The following ABCD2 variants were observed in gnomAD, a reference collection of about 807,000 sequenced individuals.
The protein encoded by ABCD2 is ATP-binding cassette sub-family D member 2.
A neutral mutation model predicts 70.9 loss-of-function variants in ABCD2; 36 were observed. That is an observed-to-expected ratio of 0.51 (90% confidence interval 0.39 to 0.67). ABCD2 has a LOEUF of 0.67. Ranked by LOEUF, ABCD2 falls within the 30% of genes least tolerant of loss-of-function variation. ABCD2 has a pLI of 0.00. For synonymous variants in ABCD2, 304 were observed against 306.9 expected (o/e 0.99, Z 0.10); for missense variants, 729 against 890.2 (o/e 0.82, Z 2.30).
chr12:39,618,914 A>C lies in ABCD2; in HGVS notation c.702T>G (p.Asp234Glu). 1 of 1,614,220 alleles carries C rather than the reference A, an allele frequency of 6.2e-7. No individual in the cohort carries two copies. Among genetic ancestry groups the C allele is most frequent in the Non-Finnish European group, 8.5e-7 (1 of 1,180,040 alleles). Residue 234 changes from aspartate (D) to glutamate (E), a missense_variant, in exon 1 of 10, where the codon GAT becomes GAG. Physicochemically the swap from Asp to Glu is conservative, Grantham distance 45. Around this residue, in one of 3 missense-constraint regions of ABCD2, gnomAD observed 195 missense variants for 300.2 expected, o/e 0.65. Transcript: ENST00000308666. Reference sequence around the variant, plus strand: ...TGAGTGTATAGGAGGTCAGCATTACATCTAAAATAGGTTTGGTCAGATTGG... The same window carrying C: ...TGAGTGTATAGGAGGTCAGCATTACCTCTAAAATAGGTTTGGTCAGATTGG... ...LYSNLTKPILDVMLTSYTLIQ... is the reference protein window; with the variant it reads ...LYSNLTKPILEVMLTSYTLIQ...
At position 39,619,502 on chromosome 12, in the gene ABCD2, G is replaced by C. The variant is rs1942165442; in HGVS notation, c.114C>G (p.Pro38=). ...AAAYALKTLY[P]IIGKRLKQSG... ...ATTGCTTTAAACGCTTGCCAATGATGGGATAGAGGGTTTTCAGAGCATATG... is the reference window on the plus strand; with the variant it reads ...ATTGCTTTAAACGCTTGCCAATGATCGGATAGAGGGTTTTCAGAGCATATG... Residue 38 remains proline, a synonymous_variant, in exon 1 of 10, where the codon CCC becomes CCG. Transcript: ENST00000308666. The C allele has an allele frequency of 1.2e-6, 2 of 1,612,796 alleles. No homozygotes were observed. The highest frequency in any genetic ancestry group is 1.7e-6 in the Non-Finnish European group (2 of 1,179,998).
chr12:39,562,178 AT>A (rs1941270044), intron 9 of ABCD2, among the ~76,000 whole-genome samples: 1 of 152,176 alleles, frequency 6.6e-6, no homozygotes, highest in South Asian at 2.1e-4. Flanking sequence ...AATCTGTAGA[AT>A]ACAGCAAAAG....
At chr12:39,545,387 G>T (rs529414364), downstream of ABCD2, among the ~76,000 whole-genome samples, 84 of 152,230 alleles carry the variant, frequency 5.5e-4, no homozygotes, top group African/African-American at 2.0e-3. Context: ...CCGCCTCCCG[G>T]GTTCAAGCGA....
chr12:39,533,982 T>C, the ABCD2 span, among the ~76,000 whole-genome samples: 2 of 152,348 alleles, frequency 1.3e-5, no homozygotes, highest in Non-Finnish European at 2.9e-5. Flanking sequence ...GTGAATAGTG[T>C]GCTTTGCAGA....
chr12:39,545,188 A>T (rs183538977), downstream of ABCD2, among the ~76,000 whole-genome samples: 325 of 152,372 alleles, frequency 2.1e-3, 2 homozygotes, highest in African/African-American at 7.3e-3. Flanking sequence ...GATTATTTGC[A>T]TGAAGTGCAG....
intron 3 of ABCD2, among the ~76,000 whole-genome samples, chr12:39,605,483 T>C (rs1941957394): frequency 2.0e-5 from 3 of 152,122 alleles, no homozygotes; most frequent in Admixed American, 2.0e-4. Flanking sequence ...CAATCCAGCT[T>C]CTTTTGAAGC....
the ABCD2 span, among the ~76,000 whole-genome samples, chr12:39,536,548 C>T: frequency 5.6e-4 from 85 of 152,276 alleles, no homozygotes; most frequent in Admixed American, 1.9e-3. Context: ...CTGATTTTAA[C>T]GGGAACCAAT....
the ABCD2 span, among the ~76,000 whole-genome samples, chr12:39,534,726 GGAAAA>G: frequency 7.2e-4 from 80 of 111,168 alleles, no homozygotes; most frequent in Middle Eastern, 5.7e-3. Flanking sequence ...AAGGAAGGAA[GGAAAA>G]GAAGGAAGGA....
rs1306078673 is a variant in ABCD2 at position 39,550,646 on chromosome 12, A to T, written c.*3266T>A. 2 of 151,916 alleles carry T rather than the reference A, an allele frequency of 1.3e-5. No individual in the cohort carries two copies. The highest frequency in any genetic ancestry group is 4.1e-4 in the South Asian group (2 of 4,830). The allele number at this position is 151,916 out of a possible 1,614,324, so 9.4% of individuals were successfully genotyped here. On this transcript the variant is annotated 3_prime_UTR_variant, in exon 10 of 10. Transcript: ENST00000308666. ...GGCAAAACATATTCAACCCCAAAAC[A>T]TATTCAACATATCTAAATGTATATA...
At chr12:39,563,579 A>T (rs1409249431) in intron 9 of ABCD2, among the ~76,000 whole-genome samples, 1 of 152,190 alleles carries the variant, frequency 6.6e-6, no homozygotes, top group African/African-American at 2.4e-5. Flanking sequence ...GGAAAAAGTT[A>T]AATAAAGGAA....
chr12:39,598,236 T>C (rs1162122153), intron 6 of ABCD2, among the ~76,000 whole-genome samples: 4 of 152,186 alleles, frequency 2.6e-5, no homozygotes, highest in Non-Finnish European at 5.9e-5. Flanking sequence ...TACCCAGAAG[T>C]CTTTCAATCA....
chr12:39,541,838 TACA>T, the ABCD2 span, among the ~76,000 whole-genome samples: 2 of 152,156 alleles, frequency 1.3e-5, no homozygotes, highest in African/African-American at 2.4e-5. Flanking sequence ...AACTACACAC[TACA>T]ACATTAATGA....
chr12:39,556,528 C>T (rs775898544), intron 9 of ABCD2, among the ~76,000 whole-genome samples: 20 of 152,122 alleles, frequency 1.3e-4, no homozygotes, highest in Non-Finnish European at 1.3e-4. Context: ...TCCCGTTTGC[C>T]TTCCACCATG....
At chr12:39,568,596 T>G (rs993513597) in intron 9 of ABCD2, among the ~76,000 whole-genome samples, 2 of 152,150 alleles carry the variant, frequency 1.3e-5, no homozygotes, top group African/African-American at 2.4e-5. Context: ...CTCGGAGTAG[T>G]TTGATCATCT....
At chr12:39,596,891 C>A (rs1941823315) in intron 6 of ABCD2, among the ~76,000 whole-genome samples, 1 of 152,082 alleles carries the variant, frequency 6.6e-6, no homozygotes, top group Non-Finnish European at 1.5e-5. Flanking sequence ...TGCATATCAC[C>A]AACACACATC....
chr12:39,558,059 A>G (rs1328944983), intron 9 of ABCD2, among the ~76,000 whole-genome samples: 2 of 152,222 alleles, frequency 1.3e-5, no homozygotes, highest in Non-Finnish European at 2.9e-5. Flanking sequence ...CAGACACTCA[A>G]TGCCAGCCCA....
intron 9 of ABCD2, among the ~76,000 whole-genome samples, chr12:39,572,702 A>G (rs572632493): frequency 7.2e-5 from 11 of 152,282 alleles, no homozygotes; most frequent in African/African-American, 2.2e-4. Flanking sequence ...AATGCTTGCT[A>G]CTAGGCTAGA....
intron 7 of ABCD2, among the ~76,000 whole-genome samples, chr12:39,583,826 C>T (rs1437587497): frequency 6.6e-6 from 1 of 152,144 alleles, no homozygotes; most frequent in Admixed American, 6.6e-5. Flanking sequence ...GCCTCCAGCT[C>T]CATTCATGTT....
At position 39,617,185 on chromosome 12, in the gene ABCD2, G is replaced by C. The variant is rs566682821; in HGVS notation, c.940-17C>G. 2.0e-6 allele frequency: 3 copies of C among 1,517,358 alleles called. No individual in the cohort carries two copies. The highest frequency in any genetic ancestry group is 4.7e-5 in the East Asian group (2 of 42,694). 94.0% of individuals were successfully genotyped at this position (1,517,358 alleles called of 1,614,324 possible). A position where few individuals can be genotyped will look rare whatever the true frequency, so the allele number is the denominator to read the frequency against. ...CATTTCTACCTATAGAGAGGAAAAA[G>C]AGTTGAGGACTTTTTTTAAAGATAT... On this transcript the variant is annotated splice_polypyrimidine_tract_variant and intron_variant, in intron 1 of 9. Transcript: ENST00000308666.
Sources: gnomAD v4.1 joint callset for allele counts (sites outside exome capture counted in the v4.1 genomes callset) on GRCh38, gnomAD v4.1.1 for gene constraint, gnomAD v4.1.1 regional missense constraint, MANE v1.5 for transcripts, NCBI Gene and HGNC (gene_info 2026-07-23, HGNC 2026-07-21) for gene names.